Variants in ACTN2 observed in about 807,000 individuals in gnomAD.
ACTN2 encodes the protein actinin alpha 2, also known as alpha-actinin-2.
A neutral mutation model predicts 113.8 loss-of-function variants in ACTN2; 39 were observed. That is an observed-to-expected ratio of 0.34 (90% CI 0.27 to 0.45). The LOEUF is 0.45. Ranked by LOEUF, ACTN2 falls within the 20% of genes least tolerant of loss-of-function variation. The pLI is 1.00. For synonymous variants in ACTN2, 429 were observed against 444.1 expected (o/e 0.97, Z 0.43); for missense variants, 992 against 1,177.9 (o/e 0.84, Z 2.31).
In ACTN2 at chr1:236,747,655, C is replaced by A. The variant is rs764978715; in HGVS notation, c.1407-12C>A. On this transcript the variant is annotated splice_polypyrimidine_tract_variant and intron_variant, in intron 12 of 20. Transcript: ENST00000366578. ...GGGAAAGTTAATCTTTATTTATTTT[C>A]ACTTTTAATAGTGAACTGGACTATC... The A allele has an allele frequency of 1.6e-5, 26 of 1,608,590 alleles. No homozygotes were observed. Among genetic ancestry groups the A allele is most frequent in the East Asian group, 2.2e-5 (1 of 44,838 alleles).
In ACTN2 at chr1:236,686,760, C is replaced by G; in HGVS notation, c.87C>G (p.Asp29Glu). ...YMIQEEEWDR[D>E]LLLDPAWEKQ... The stretch of plus-strand genomic sequence containing the variant: ...TCCAGGAGGAGGAGTGGGACCGCGA[C>G]CTGCTCCTGGACCCAGCCTGGGAGA... The change falls in exon 1 of 21, where the codon GAC becomes GAG. Residue 29 changes from aspartate (D) to glutamate (E), a missense_variant. Coordinates refer to ENST00000366578, the MANE Select transcript of ACTN2 (RefSeq NM_001103.4). 6.5e-7 allele frequency: 1 copy of G among 1,549,490 alleles called. No homozygotes were observed. The highest frequency in any genetic ancestry group is 8.7e-7 in the Non-Finnish European group (1 of 1,147,110).
At chr1:236,705,671 T>C (rs1657802724) in intron 1 of ACTN2, among the ~76,000 whole-genome samples, 1 of 152,250 alleles carries the variant, frequency 6.6e-6, no homozygotes. Flanking sequence ...GGAGCATAGA[T>C]TTTTCCCTGT....
intron 10 of ACTN2, among the ~76,000 whole-genome samples, chr1:236,742,110 G>A (rs764982633): frequency 2.6e-5 from 4 of 152,038 alleles, no homozygotes; most frequent in Non-Finnish European, 5.9e-5. Context: ...CCCCCTCCTC[G>A]GAGGGGTCTT....
intron 1 of ACTN2, among the ~76,000 whole-genome samples, chr1:236,708,679 G>A (rs1032139831): frequency 6.6e-6 from 1 of 152,208 alleles, no homozygotes; most frequent in African/African-American, 2.4e-5. Context: ...AGCGCAGTTC[G>A]TGTGATGTAT....
chr1:236,715,347 A>G (rs1412371062), intron 1 of ACTN2, among the ~76,000 whole-genome samples: 1 of 131,212 alleles, frequency 7.6e-6, no homozygotes, highest in Admixed American at 9.0e-5. Flanking sequence ...TATACCAAAG[A>G]AACCTATTAC....
chr1:236,761,272 G>GTCTCCCTCTCCCTCTCCC, intron 20 of ACTN2, 99 bp downstream of exon 20: 1 of 1,404,356 alleles, frequency 7.1e-7, no homozygotes, highest in Non-Finnish European at 9.9e-7. Flanking sequence ...TTTTTATGCC[G>GTCTCCCTCTCCCTCTCCC]GTGTATTTTG....
At chr1:236,696,855 G>A (rs1657518780) in intron 1 of ACTN2, among the ~76,000 whole-genome samples, 1 of 152,044 alleles carries the variant, frequency 6.6e-6, no homozygotes. Context: ...TAGTAGAGAT[G>A]GGGTTTCACC....
chr1:236,758,408 C>G (rs35311500), intron 18 of ACTN2, among the ~76,000 whole-genome samples: 8,026 of 145,320 alleles, frequency 0.055, 341 homozygotes, highest in Middle Eastern at 0.15. Flanking sequence ...GCCTCAGCCT[C>G]CCTAGTATCT....
chr1:236,724,801 C>T (rs1572119019), intron 4 of ACTN2, among the ~76,000 whole-genome samples: 1 of 144,698 alleles, frequency 6.9e-6, no homozygotes, highest in South Asian at 2.3e-4. Context: ...CTGAGCGGCA[C>T]ATTTTTATGG....
chr1:236,742,824 A>G lies in ACTN2; in HGVS notation c.1108-72A>G. On this transcript the variant is annotated intron_variant, in intron 10 of 20. Coordinates refer to ENST00000366578, the MANE Select transcript of ACTN2 (RefSeq NM_001103.4). ...AATGTAGTGGAGGGATTTATAGAAG[A>G]AGCCTGAGAGGCCAGAATGTAACGA... 3 of 1,588,412 alleles carry G rather than the reference A, an allele frequency of 1.9e-6. No homozygotes were observed. The Admixed American group carries it at 5.0e-5, about 26-fold the overall frequency.
At chr1:236,717,639 T>A (rs906932643) in intron 1 of ACTN2, among the ~76,000 whole-genome samples, 1 of 152,202 alleles carries the variant, frequency 6.6e-6, no homozygotes, top group South Asian at 2.1e-4. Flanking sequence ...GGTTGGAATA[T>A]CCAATAAGAG....
At chr1:236,743,381 C>T (rs372725453) in intron 11 of ACTN2, among the ~76,000 whole-genome samples, 3 of 152,300 alleles carry the variant, frequency 2.0e-5, no homozygotes, top group East Asian at 3.9e-4. Flanking sequence ...AGCCCTGGGC[C>T]AACCACTAGC....
intron 5 of ACTN2, 103 bp downstream of exon 5, chr1:236,726,123 C>A: frequency 5.8e-6 from 6 of 1,033,534 alleles, no homozygotes; most frequent in South Asian, 1.3e-5. Context: ...GTCTGAGAAG[C>A]CTTTTATGTA....
At chr1:236,707,835 C>T (rs1223806072) in intron 1 of ACTN2, among the ~76,000 whole-genome samples, 1 of 150,822 alleles carries the variant, frequency 6.6e-6, no homozygotes, top group Non-Finnish European at 1.5e-5. Flanking sequence ...CCTCAGCCTC[C>T]CAAGTAGCTG....
In ACTN2 at chr1:236,737,205, A is replaced by G; in HGVS notation, c.867A>G (p.Leu289=). 1.9e-6 allele frequency: 3 copies of G among 1,592,758 alleles called. No individual in the cohort carries two copies. Among genetic ancestry groups the G allele is most frequent in the Non-Finnish European group, 2.6e-6 (3 of 1,166,174 alleles). Residue 289 remains leucine, a synonymous_variant, in exon 9 of 21, where the codon CTA becomes CTG. Coordinates refer to ENST00000366578, the MANE Select transcript of ACTN2 (RefSeq NM_001103.4). Reference sequence around the variant, plus strand: ...GGCTGATGGAAGAATATGAGAGGCTAGCGAGTGAGGTAAAGGAAACTGGTG... The same window carrying G: ...GGCTGATGGAAGAATATGAGAGGCTGGCGAGTGAGGTAAAGGAAACTGGTG... ...NERLMEEYER[L]ASELLEWIRR... is the part of the protein sequence containing the mutation.
chr1:236,711,611 A>G (rs566267379), intron 1 of ACTN2, among the ~76,000 whole-genome samples: 27 of 152,276 alleles, frequency 1.8e-4, no homozygotes, highest in African/African-American at 6.0e-4. Flanking sequence ...TGGCCTCCCA[A>G]AATGCTGGGA....
intron 9 of ACTN2, among the ~76,000 whole-genome samples, chr1:236,737,562 C>G (rs1658927351): frequency 6.7e-6 from 1 of 148,592 alleles, no homozygotes; most frequent in South Asian, 2.1e-4. Flanking sequence ...TTTTTTTTTC[C>G]TGTTCACTGG....
chr1:236,741,735 C>G (rs1266761535), intron 10 of ACTN2, among the ~76,000 whole-genome samples: 3 of 152,160 alleles, frequency 2.0e-5, no homozygotes, highest in African/African-American at 7.2e-5. Flanking sequence ...AACTGCTGAC[C>G]GGTTCTTCTT....
At chr1:236,755,234 T>C (rs1418233358) in intron 17 of ACTN2, 36 bp downstream of exon 17, 1 of 1,613,314 alleles carries the variant, frequency 6.2e-7, no homozygotes, top group Middle Eastern at 1.7e-4. Flanking sequence ...CGCTCACTTC[T>C]CACGGGGACC....
Sources: allele counts gnomAD v4.1 joint callset (sites outside exome capture counted in the v4.1 genomes callset), GRCh38; gene constraint gnomAD v4.1.1; transcripts MANE v1.5; gene names NCBI Gene and HGNC (gene_info 2026-07-23, HGNC 2026-07-21).